The following TMTC2 variants were observed in gnomAD, a reference collection of about 807,000 sequenced individuals.
TMTC2 encodes the protein transmembrane O-mannosyltransferase targeting cadherins 2.
Under a neutral mutation model 82.4 loss-of-function variants are expected in TMTC2, and 43 were observed. That is an observed-to-expected ratio of 0.52 (90% CI 0.41 to 0.67). The LOEUF is 0.67. Among genes scored for constraint, TMTC2 ranks in the 30% least tolerant of loss-of-function variants. TMTC2 has a pLI of 0.00. For synonymous variants in TMTC2, 408 were observed against 381.9 expected, an observed-to-expected ratio of 1.07 and a Z score of -0.80; for missense variants, 919 against 1,012.4, an observed-to-expected ratio of 0.91 and a Z score of 1.25.
intron 1 of TMTC2, among the ~76,000 whole-genome samples, chr12:82,778,608 G>C (rs1386924475): frequency 6.6e-6 from 1 of 152,038 alleles, no homozygotes; most frequent in African/African-American, 2.4e-5. Flanking sequence ...CCAGCACTTT[G>C]GGAGGCCGAG....
chr12:82,761,623 C>G lies in TMTC2; in HGVS notation c.83+73954C>G, dbSNP rs116758506. 1.8e-3 allele frequency among the ~76,000 whole-genome samples: 277 copies of G among 152,328 alleles called. 1 individual carries two copies. The highest frequency in any genetic ancestry group is 6.2e-3 in the African/African-American group (258 of 41,574). ...TGCTGAGGTCTTGATCACTCTTACA[C>G]TTTGTATCTCCTCCTTATGGTGTCT... is the stretch of plus-strand genomic sequence containing the variant. On this transcript the variant is annotated intron_variant, in intron 1 of 11. Transcript: ENST00000321196.
At chr12:82,894,526 G>C (rs59674281) in intron 2 of TMTC2, among the ~76,000 whole-genome samples, 2,466 of 152,248 alleles carry the variant, frequency 0.016, 66 homozygotes, top group African/African-American at 0.057. Context: ...ACCCCCTTCT[G>C]AATGTCATTG....
intron 8 of TMTC2, among the ~76,000 whole-genome samples, chr12:82,990,438 G>T (rs1288784927): frequency 6.6e-6 from 1 of 152,010 alleles, no homozygotes; most frequent in East Asian, 1.9e-4. Context: ...GAATGCTTTG[G>T]CACATTTTAT....
At chr12:82,825,104 A>T (rs1592552812) in intron 1 of TMTC2, among the ~76,000 whole-genome samples, 1 of 152,212 alleles carries the variant, frequency 6.6e-6, no homozygotes, top group South Asian at 2.1e-4. Flanking sequence ...AAAAGAAAAA[A>T]AAAAAAGACA....
intron 9 of TMTC2, among the ~76,000 whole-genome samples, chr12:83,045,564 T>C (rs189105077): frequency 5.3e-5 from 8 of 152,254 alleles, no homozygotes; most frequent in Non-Finnish European, 8.8e-5. Flanking sequence ...TTTTAGAAAG[T>C]AAACTGATAT....
At chr12:82,972,915 A>G (rs1878511812) in intron 7 of TMTC2, among the ~76,000 whole-genome samples, 1 of 152,052 alleles carries the variant, frequency 6.6e-6, no homozygotes, top group Non-Finnish European at 1.5e-5. Flanking sequence ...TGTTTACCTC[A>G]CCTTGTTTCG....
intron 2 of TMTC2, among the ~76,000 whole-genome samples, chr12:82,873,495 T>C (rs1030098688): frequency 1.3e-5 from 2 of 152,246 alleles, no homozygotes; most frequent in Admixed American, 6.5e-5. Flanking sequence ...CTATGATAAA[T>C]TGTAGGTCCC....
At chr12:82,793,493 A>T (rs1878564441) in intron 1 of TMTC2, among the ~76,000 whole-genome samples, 1 of 152,040 alleles carries the variant, frequency 6.6e-6, no homozygotes, top group South Asian at 2.1e-4. Context: ...CAATGACAAG[A>T]TGCAAATGTA....
intron 11 of TMTC2, among the ~76,000 whole-genome samples, chr12:83,101,922 A>G (rs1035860406): frequency 1.3e-5 from 2 of 152,250 alleles, no homozygotes; most frequent in African/African-American, 2.4e-5. Flanking sequence ...TTGCATGAGA[A>G]TAAAAATGAC....
At chr12:82,691,608 G>T (rs994070247) in intron 1 of TMTC2, among the ~76,000 whole-genome samples, 4 of 151,968 alleles carry the variant, frequency 2.6e-5, no homozygotes, top group African/African-American at 9.7e-5. Flanking sequence ...TAATGTTATT[G>T]TTAGTTTGGG....
At chr12:83,063,146 C>G (rs1272504889) in intron 11 of TMTC2, among the ~76,000 whole-genome samples, 5 of 151,700 alleles carry the variant, frequency 3.3e-5, no homozygotes, top group Admixed American at 2.0e-4. Flanking sequence ...TCATGGTAAT[C>G]AGTTGGGAGG....
intron 1 of TMTC2, among the ~76,000 whole-genome samples, chr12:82,825,324 G>C (rs902582689): frequency 9.9e-5 from 15 of 152,168 alleles, no homozygotes; most frequent in Non-Finnish European, 2.2e-4. Context: ...ATGTGAGATG[G>C]GGTATCTGAT....
At chr12:82,922,712 A>G (rs1438409117) in intron 3 of TMTC2, among the ~76,000 whole-genome samples, 1 of 152,214 alleles carries the variant, frequency 6.6e-6, no homozygotes, top group Non-Finnish European at 1.5e-5. Flanking sequence ...AATATACACT[A>G]TGTTAAATAC....
chr12:83,090,157 A>C (rs375236921), intron 11 of TMTC2, among the ~76,000 whole-genome samples: 1 of 152,206 alleles, frequency 6.6e-6, no homozygotes, highest in Non-Finnish European at 1.5e-5. Context: ...TAACATATCT[A>C]ATTTTCAGAA....
At chr12:82,917,448 T>C (rs917153981) in intron 3 of TMTC2, among the ~76,000 whole-genome samples, 5 of 152,236 alleles carry the variant, frequency 3.3e-5, no homozygotes, top group Admixed American at 3.3e-4. Flanking sequence ...TTTGTTCTCT[T>C]ATCTTTTTGA....
chr12:82,771,718 TG>T (rs1877321567), intron 1 of TMTC2, among the ~76,000 whole-genome samples: 1 of 152,160 alleles, frequency 6.6e-6, no homozygotes, highest in African/African-American at 2.4e-5. Context: ...AAATAACTAA[TG>T]AACAATAGAA....
At chr12:82,929,491 ATC>A (rs1875907859) in intron 3 of TMTC2, among the ~76,000 whole-genome samples, 2 of 152,220 alleles carry the variant, frequency 1.3e-5, no homozygotes, top group Non-Finnish European at 2.9e-5. Context: ...ACACAGGCAA[ATC>A]TGAGATTGAA....
At chr12:82,938,829 A>G in intron 4 of TMTC2, among the ~76,000 whole-genome samples, 1 of 152,178 alleles carries the variant, frequency 6.6e-6, no homozygotes, top group East Asian at 1.9e-4. Context: ...ATGGAGTAAA[A>G]CATAGAAGTC....
chr12:82,999,728 C>G (rs1879831374), intron 8 of TMTC2, among the ~76,000 whole-genome samples: 1 of 152,174 alleles, frequency 6.6e-6, no homozygotes, highest in African/African-American at 2.4e-5. Context: ...GGGAAAGACC[C>G]ACCAGCATGA....
Sources: allele counts gnomAD v4.1 joint callset (sites outside exome capture counted in the v4.1 genomes callset), GRCh38; gene constraint gnomAD v4.1.1; transcripts MANE v1.5; gene names NCBI Gene and HGNC (gene_info 2026-07-23, HGNC 2026-07-21).